AFG2A: variants seen among roughly 807,000 people sequenced by gnomAD.
AFG2A encodes the protein AAA ATPase AFG2A, also known as ATPase family gene 2 protein homolog A.
At chr4:123,225,950 G>A in the AFG2A span, among the ~76,000 whole-genome samples, 1 of 152,104 alleles carries the variant, frequency 6.6e-6, no homozygotes, top group Non-Finnish European at 1.5e-5. Flanking sequence ...TGGATTCCTA[G>A]GTATTTTATT....
At chr4:123,185,842 G>T in the AFG2A span, among the ~76,000 whole-genome samples, 1 of 151,758 alleles carries the variant, frequency 6.6e-6, no homozygotes, top group Admixed American at 6.6e-5. Flanking sequence ...AGTGAGCCGA[G>T]ATCGCGCCAC....
the AFG2A span, among the ~76,000 whole-genome samples, chr4:123,184,012 T>C: frequency 2.0e-5 from 3 of 152,094 alleles, no homozygotes; most frequent in Non-Finnish European, 4.4e-5. Flanking sequence ...CCCAGACTGG[T>C]CTTGAACTCC....
chr4:122,990,866 G>A, the AFG2A span, among the ~76,000 whole-genome samples: 88 of 152,306 alleles, frequency 5.8e-4, no homozygotes, highest in Middle Eastern at 0.017. Context: ...TAAAATTGCC[G>A]GCGCAAGCCA....
chr4:123,047,294 C>T, the AFG2A span, among the ~76,000 whole-genome samples: 1 of 152,168 alleles, frequency 6.6e-6, no homozygotes, highest in South Asian at 2.1e-4. Context: ...ACCATTCTAA[C>T]TTGCATAAGA....
the AFG2A span, among the ~76,000 whole-genome samples, chr4:123,139,970 G>T: frequency 3.0e-4 from 46 of 152,106 alleles, no homozygotes; most frequent in African/African-American, 9.9e-4. Context: ...AGGTATTCAA[G>T]CAGCCCTCAG....
the AFG2A span, among the ~76,000 whole-genome samples, chr4:122,960,427 T>C: frequency 3.4e-3 from 514 of 152,356 alleles, 3 homozygotes; most frequent in Middle Eastern, 0.014. Context: ...TATAAACTTA[T>C]CCTTCTAAGG....
At chr4:123,314,729 G>A in the AFG2A span, 1 of 149,884 alleles carries the variant, frequency 6.7e-6, no homozygotes, top group African/African-American at 2.4e-5. Context: ...AGATCAGTAG[G>A]CTTGGGTTTT....
At chr4:123,195,497 T>A in the AFG2A span, among the ~76,000 whole-genome samples, 1 of 152,222 alleles carries the variant, frequency 6.6e-6, no homozygotes, top group East Asian at 1.9e-4. Context: ...AATACAATGG[T>A]TGTAGAAAAA....
At chr4:123,014,448 G>C in the AFG2A span, among the ~76,000 whole-genome samples, 38 of 151,924 alleles carry the variant, frequency 2.5e-4, no homozygotes, top group African/African-American at 8.2e-4. Flanking sequence ...TTTTTTAAAA[G>C]CTCATTGTGT....
chr4:123,247,318 T>G, the AFG2A span, among the ~76,000 whole-genome samples: 114 of 152,210 alleles, frequency 7.5e-4, no homozygotes, highest in African/African-American at 2.6e-3. Flanking sequence ...AGTTAAAAGA[T>G]CTCAAAATAC....
chr4:123,163,160 G>T, the AFG2A span, among the ~76,000 whole-genome samples: 3 of 152,192 alleles, frequency 2.0e-5, no homozygotes, highest in Non-Finnish European at 4.4e-5. Context: ...CCTGGGCCAG[G>T]TGCAGTGGCT....
At chr4:123,094,422 A>G in the AFG2A span, among the ~76,000 whole-genome samples, 1 of 152,166 alleles carries the variant, frequency 6.6e-6, no homozygotes, top group Non-Finnish European at 1.5e-5. Flanking sequence ...AGCCAATTAA[A>G]CATTTTAGGC....
At chr4:122,962,795 T>C in the AFG2A span, among the ~76,000 whole-genome samples, 1 of 152,246 alleles carries the variant, frequency 6.6e-6, no homozygotes, top group Non-Finnish European at 1.5e-5. Flanking sequence ...TTTTCATACT[T>C]ATTCAGAATT....
At chr4:123,068,383 C>A in the AFG2A span, among the ~76,000 whole-genome samples, 2 of 152,138 alleles carry the variant, frequency 1.3e-5, no homozygotes, top group African/African-American at 2.4e-5. Flanking sequence ...TTATTGTCAC[C>A]TAATCTTCAG....
At chr4:123,009,494 C>G in the AFG2A span, among the ~76,000 whole-genome samples, 1 of 152,298 alleles carries the variant, frequency 6.6e-6, no homozygotes, top group East Asian at 1.9e-4. Flanking sequence ...ACATACCTCT[C>G]TAGTTTACTA....
At chr4:123,024,844 A>G in the AFG2A span, among the ~76,000 whole-genome samples, 2 of 152,156 alleles carry the variant, frequency 1.3e-5, no homozygotes, top group African/African-American at 4.8e-5. Context: ...GTCATCACAG[A>G]CTGCAGGTGC....
chr4:123,305,900 C>T, the AFG2A span, among the ~76,000 whole-genome samples: 558 of 152,284 alleles, frequency 3.7e-3, 6 homozygotes, highest in African/African-American at 0.013. Context: ...TCATGGCATT[C>T]AGAATTCTGC....
At chr4:123,204,497 A>G in the AFG2A span, among the ~76,000 whole-genome samples, 1 of 152,172 alleles carries the variant, frequency 6.6e-6, no homozygotes, top group South Asian at 2.1e-4. Context: ...TGCCATACAT[A>G]TTTCTTCTTT....
chr4:123,189,267 C>G, the AFG2A span, among the ~76,000 whole-genome samples: 1 of 152,126 alleles, frequency 6.6e-6, no homozygotes, highest in South Asian at 2.1e-4. Flanking sequence ...CTCTTTTTCA[C>G]CTAAGATTTT....
Sources: allele counts gnomAD v4.1 joint callset (sites outside exome capture counted in the v4.1 genomes callset), GRCh38; gene constraint gnomAD v4.1.1; transcripts MANE v1.5; gene names NCBI Gene and HGNC (gene_info 2026-07-23, HGNC 2026-07-21).